RCOR1: variants seen among roughly 807,000 people sequenced by gnomAD.
RCOR1 encodes the protein REST corepressor 1, also known as REST corepressor.
A neutral mutation model predicts 64.0 loss-of-function variants in RCOR1; 12 were observed. That is an observed-to-expected ratio of 0.19 (90% confidence interval 0.12 to 0.30). The LOEUF is 0.30. Ranked by LOEUF, RCOR1 falls within the 10% of genes least tolerant of loss-of-function variation. The probability of loss-of-function intolerance (pLI) is 1.00; values close to 1 mark genes in which losing one functional copy is unlikely to be tolerated. For synonymous variants in RCOR1, 279 were observed against 227.2 expected (o/e 1.23, Z -2.05); for missense variants, 502 against 621.2 (o/e 0.81, Z 2.04).
chr14:102,610,230 A>G (rs1004950891), intron 2 of RCOR1, among the ~76,000 whole-genome samples: 1 of 152,066 alleles, frequency 6.6e-6, no homozygotes, highest in Non-Finnish European at 1.5e-5. Flanking sequence ...TATAAGCTGT[A>G]CATGTTATAA....
At chr14:102,663,118 C>A (rs1894856281) in intron 2 of RCOR1, among the ~76,000 whole-genome samples, 1 of 152,112 alleles carries the variant, frequency 6.6e-6, no homozygotes, top group South Asian at 2.1e-4. Flanking sequence ...CATGAGATAT[C>A]TAATAGTTTT....
chr14:102,594,662 CT>C (rs879395980), intron 2 of RCOR1, among the ~76,000 whole-genome samples: 384 of 140,288 alleles, frequency 2.7e-3, no homozygotes, highest in Middle Eastern at 3.7e-3. Context: ...CTCCCCAATT[CT>C]TTTTTTTTTT....
intron 2 of RCOR1, among the ~76,000 whole-genome samples, chr14:102,678,006 C>T (rs1895225257): frequency 6.6e-6 from 1 of 150,846 alleles, no homozygotes; most frequent in South Asian, 2.1e-4. Context: ...GGAGACCAGC[C>T]CGGCCAACAC....
intron 2 of RCOR1, among the ~76,000 whole-genome samples, chr14:102,661,497 C>T (rs1017857227): frequency 1.3e-5 from 2 of 152,126 alleles, no homozygotes; most frequent in African/African-American, 4.8e-5. Context: ...TGTTTCAAAA[C>T]CTTGTAAGAC....
chr14:102,682,286 C>T (rs1245935080), intron 3 of RCOR1, among the ~76,000 whole-genome samples: 5 of 152,146 alleles, frequency 3.3e-5, no homozygotes, highest in Non-Finnish European at 7.4e-5. Flanking sequence ...CCCATTACCA[C>T]ACCCAGCTAA....
chr14:102,626,539 C>T (rs996607978), intron 2 of RCOR1, among the ~76,000 whole-genome samples: 1 of 152,136 alleles, frequency 6.6e-6, no homozygotes, highest in Non-Finnish European at 1.5e-5. Flanking sequence ...TTTGTTGGCT[C>T]CCTCTCATAT....
chr14:102,689,375 G>A (rs892310417), intron 3 of RCOR1, among the ~76,000 whole-genome samples: 2 of 152,038 alleles, frequency 1.3e-5, no homozygotes, highest in African/African-American at 4.8e-5. Context: ...GGGGAAGCTC[G>A]GGTATAGCCT....
Position 102,722,853 on chromosome 14 carries a change from C to T in RCOR1, c.1419+437C>T, listed in dbSNP as rs146873115. On this transcript the variant is annotated intron_variant, in intron 11 of 11. Coordinates refer to ENST00000262241, the MANE Select transcript of RCOR1 (RefSeq NM_015156.4). ...AGCACAGCGAGCCAGCCAGGAGCTC[C>T]TGAGGCCTCTCCCTGCTGTCCAGAT... Among the ~76,000 whole-genome samples, 418 of 152,360 alleles carry T rather than the reference C, an allele frequency of 2.7e-3. 2 individuals carry two copies. Among genetic ancestry groups the T allele is most frequent in the Non-Finnish European group, 4.6e-3 (310 of 68,028 alleles).
chr14:102,612,958 C>CAA (rs34850806), intron 2 of RCOR1, among the ~76,000 whole-genome samples: 15 of 63,580 alleles, frequency 2.4e-4, no homozygotes, highest in African/African-American at 5.8e-4. Context: ...TATCTCTTAG[C>CAA]AAAAAAAAAA....
chr14:102,714,623 C>A lies in RCOR1; in HGVS notation c.1053+6C>A. 1.3e-6 allele frequency: 2 copies of A among 1,587,692 alleles called. No individual in the cohort carries two copies. The highest frequency in any genetic ancestry group is 2.3e-5 in the South Asian group (2 of 88,536). Reference sequence around the variant, plus strand: ...TGGTTTCAGTCAAACGACAGGTACTCATAAGCCTGGTCTTGGATGTAAAAG... The same window carrying A: ...TGGTTTCAGTCAAACGACAGGTACTAATAAGCCTGGTCTTGGATGTAAAAG... On this transcript the variant is annotated splice_donor_region_variant and intron_variant, in intron 8 of 11. Coordinates refer to ENST00000262241, the MANE Select transcript of RCOR1 (RefSeq NM_015156.4).
At chr14:102,627,331 T>C (rs1412010961) in intron 2 of RCOR1, among the ~76,000 whole-genome samples, 3 of 152,248 alleles carry the variant, frequency 2.0e-5, no homozygotes, top group Non-Finnish European at 2.9e-5. Context: ...ATCATTCTTA[T>C]CAGCGTATTA....
intron 3 of RCOR1, among the ~76,000 whole-genome samples, chr14:102,698,667 A>G (rs1447957817): frequency 3.3e-5 from 5 of 152,158 alleles, no homozygotes; most frequent in East Asian, 3.9e-4. Flanking sequence ...AGTGCATCTC[A>G]TGACCTGGTT....
chr14:102,686,910 A>G (rs1043754206), intron 3 of RCOR1, among the ~76,000 whole-genome samples: 2 of 152,144 alleles, frequency 1.3e-5, no homozygotes, highest in Non-Finnish European at 2.9e-5. Flanking sequence ...TCGTTGTTTC[A>G]ACTGAAATTA....
chr14:102,665,393 A>G (rs1694166866), intron 2 of RCOR1, among the ~76,000 whole-genome samples: 2 of 150,250 alleles, frequency 1.3e-5, no homozygotes, highest in Admixed American at 1.3e-4. Flanking sequence ...TGTTCTGAGC[A>G]TGTTTAAGGT....
intron 2 of RCOR1, among the ~76,000 whole-genome samples, chr14:102,606,946 T>C (rs1306027565): frequency 6.8e-6 from 1 of 148,050 alleles, no homozygotes; most frequent in Non-Finnish European, 1.5e-5. Context: ...TTTTTTTTTT[T>C]TTTTTGAGAC....
At chr14:102,594,452 A>C (rs1893203465) in intron 2 of RCOR1, among the ~76,000 whole-genome samples, 1 of 152,208 alleles carries the variant, frequency 6.6e-6, no homozygotes, top group African/African-American at 2.4e-5. Flanking sequence ...TCAAGCTGTT[A>C]TTAAGGTACT....
intron 3 of RCOR1, among the ~76,000 whole-genome samples, chr14:102,687,627 C>T (rs1458565090): frequency 3.3e-5 from 5 of 152,098 alleles, no homozygotes; most frequent in African/African-American, 1.2e-4. Flanking sequence ...TTGATGAAAC[C>T]ATGGCTTGAG....
intron 4 of RCOR1, among the ~76,000 whole-genome samples, chr14:102,705,109 A>G (rs1183302548): frequency 1.3e-5 from 2 of 151,876 alleles, no homozygotes; most frequent in Non-Finnish European, 2.9e-5. Flanking sequence ...TCACAACTCT[A>G]TATCAACAAC....
At chr14:102,715,072 ATT>A (rs111566083) in intron 8 of RCOR1, among the ~76,000 whole-genome samples, 2 of 140,718 alleles carry the variant, frequency 1.4e-5, no homozygotes, top group African/African-American at 2.6e-5. Context: ...CACTATTCTG[ATT>A]TTTTTTTTTT....
Sources: allele counts gnomAD v4.1 joint callset (sites outside exome capture counted in the v4.1 genomes callset), GRCh38; gene constraint gnomAD v4.1.1; transcripts MANE v1.5; gene names NCBI Gene and HGNC (gene_info 2026-07-23, HGNC 2026-07-21).